Variants in ARHGAP26 observed in about 807,000 individuals in gnomAD.
ARHGAP26 encodes Rho GTPase activating protein 26, also known as rho GTPase-activating protein 26.
Under a neutral mutation model 104.8 loss-of-function variants are expected in ARHGAP26, and 38 were observed. That is an observed-to-expected ratio of 0.36 (90% CI 0.28 to 0.48). The LOEUF (loss-of-function observed/expected upper bound fraction) is 0.48, where lower values mean the gene tolerates loss of function less well. ARHGAP26 is among the 20% of genes least tolerant of loss of function. ARHGAP26 has a pLI of 0.99. For missense variants in ARHGAP26, 704 were observed against 947.9 expected (o/e 0.74, Z 3.38); for synonymous variants, 341 against 340.0 (o/e 1.00, Z -0.03).
intron 20 of ARHGAP26, among the ~76,000 whole-genome samples, chr5:143,163,581 G>A (rs923317225): frequency 1.3e-5 from 2 of 152,070 alleles, no homozygotes; most frequent in African/African-American, 2.4e-5. Flanking sequence ...CTCCCAAGTA[G>A]CTGGGATTAC....
Position 142,885,357 on chromosome 5 carries a change from C to T in ARHGAP26, c.444C>T (p.His148=), listed in dbSNP as rs1757557405. 1 of 1,613,666 alleles carries T rather than the reference C, an allele frequency of 6.2e-7. No individual in the cohort carries two copies. Among genetic ancestry groups the T allele is most frequent in the African/African-American group, 1.3e-5 (1 of 74,896 alleles). ...TEKYCGILEK[H]LNLSSKKKES... is the part of the protein sequence containing the mutation. The stretch of plus-strand genomic sequence containing the variant: ...AGTATTGTGGCATCTTAGAAAAACA[C>T]TTGAATTTGTCTTCCAAAAAGAAAG... Residue 148 remains histidine, a synonymous_variant, in exon 5 of 23, where the codon CAC becomes CAT. Transcript: ENST00000645722.
At chr5:142,918,249 C>A (rs1405900623) in intron 10 of ARHGAP26, among the ~76,000 whole-genome samples, 7 of 151,980 alleles carry the variant, frequency 4.6e-5, no homozygotes, top group Non-Finnish European at 7.4e-5. Flanking sequence ...CGGGTTCAAG[C>A]GATTCTCCTA....
intron 11 of ARHGAP26, chr5:142,946,531 G>A (rs1767134269): frequency 1.3e-5 from 2 of 152,122 alleles, no homozygotes; most frequent in Admixed American, 6.6e-5. Context: ...GATGGAGCTG[G>A]CTTTTCTGTC....
At chr5:143,198,958 C>G (rs959638464) in intron 20 of ARHGAP26, among the ~76,000 whole-genome samples, 1 of 152,042 alleles carries the variant, frequency 6.6e-6, no homozygotes, top group Non-Finnish European at 1.5e-5. Context: ...TTTTTTAAAG[C>G]TAGAAAACAG....
intron 1 of ARHGAP26, among the ~76,000 whole-genome samples, chr5:142,806,612 T>C (rs1425255285): frequency 6.6e-6 from 1 of 152,212 alleles, no homozygotes; most frequent in Admixed American, 6.5e-5. Flanking sequence ...CCTTCTTCCG[T>C]ATTTTCTTAC....
chr5:143,002,931 A>G (rs1429500719), intron 11 of ARHGAP26, among the ~76,000 whole-genome samples: 3 of 152,210 alleles, frequency 2.0e-5, no homozygotes, highest in Non-Finnish European at 4.4e-5. Context: ...AGAAGCTTGA[A>G]GAAATTTGGC....
chr5:142,901,652 C>T (rs1760359126), intron 6 of ARHGAP26, among the ~76,000 whole-genome samples: 3 of 152,186 alleles, frequency 2.0e-5, no homozygotes. Flanking sequence ...GTTCTGGCTG[C>T]CACTTACTGT....
chr5:143,121,205 A>G (rs1388563795), intron 18 of ARHGAP26, 58 bp downstream of exon 18: 2 of 1,557,856 alleles, frequency 1.3e-6, no homozygotes, highest in Admixed American at 3.5e-5. Context: ...GCTGCATTGG[A>G]ATTGACCTTC....
chr5:142,930,229 G>T (rs560629008), intron 10 of ARHGAP26, among the ~76,000 whole-genome samples: 1 of 152,250 alleles, frequency 6.6e-6, no homozygotes, highest in African/African-American at 2.4e-5. Context: ...CGTCATACTT[G>T]GTCTTTAGAG....
At position 143,012,544 on chromosome 5, in the gene ARHGAP26, C is replaced by CATATATATATATATATAT. The variant is rs1562259165; in HGVS notation, c.1108-1533_1108-1532insTATATATATATATATATA. ...GTCACTGGAGGGATATATTTATATA[C>CATATATATATATATATAT]ATACATACATATATATATATATATA... is the stretch of plus-strand genomic sequence containing the variant. On this transcript the variant is annotated intron_variant, in intron 11 of 22. Transcript: ENST00000645722. Among the ~76,000 whole-genome samples, 111 of 43,068 alleles carry CATATATATATATATATAT rather than the reference C, an allele frequency of 2.6e-3. 8 individuals carry two copies. The highest frequency in any genetic ancestry group is 6.6e-3 in the African/African-American group (105 of 15,830). 28.3% of individuals were successfully genotyped at this position (43,068 alleles called of 152,430 possible).
intron 4 of ARHGAP26, among the ~76,000 whole-genome samples, chr5:142,881,517 C>T (rs919552537): frequency 6.6e-6 from 1 of 152,122 alleles, no homozygotes; most frequent in Non-Finnish European, 1.5e-5. Context: ...ATATTCTATT[C>T]TCCTATTCAT....
chr5:143,141,799 C>T (rs1419257143), intron 19 of ARHGAP26, among the ~76,000 whole-genome samples: 4 of 152,144 alleles, frequency 2.6e-5, no homozygotes, highest in Admixed American at 1.3e-4. Flanking sequence ...TCATTCAACC[C>T]CCTAGTCAAC....
At chr5:142,812,114 C>CT (rs1234272833) in intron 1 of ARHGAP26, among the ~76,000 whole-genome samples, 2 of 152,074 alleles carry the variant, frequency 1.3e-5, no homozygotes, top group African/African-American at 4.8e-5. Flanking sequence ...CTGCCTTTTC[C>CT]CCCCAGTGCT....
intron 6 of ARHGAP26, among the ~76,000 whole-genome samples, chr5:142,900,256 C>T (rs1760107152): frequency 6.6e-6 from 1 of 152,170 alleles, no homozygotes; most frequent in Non-Finnish European, 1.5e-5. Context: ...AGCCCAAAGC[C>T]TTCGGCCGTC....
At position 142,895,849 on chromosome 5, in the gene ARHGAP26, A is replaced by G. The variant is rs73799027; in HGVS notation, c.597+1501A>G. 1.9e-3 allele frequency among the ~76,000 whole-genome samples: 282 copies of G among 152,286 alleles called. 2 individuals carry two copies. Among genetic ancestry groups the G allele is most frequent in the African/African-American group, 6.2e-3 (259 of 41,562 alleles). On this transcript the variant is annotated intron_variant, in intron 6 of 22. Transcript: ENST00000645722. The stretch of plus-strand genomic sequence containing the variant: ...CTCTTAAAAACAAAAAAAGATTACA[A>G]TCGGCTTTGGAACCTTATGTCTACA...
At chr5:142,805,632 A>G (rs754107197) in intron 1 of ARHGAP26, among the ~76,000 whole-genome samples, 2 of 152,188 alleles carry the variant, frequency 1.3e-5, no homozygotes, top group African/African-American at 4.8e-5. Flanking sequence ...ATGAAGGCCC[A>G]AAAGTGTGAC....
chr5:142,795,654 T>C (rs551068192), intron 1 of ARHGAP26, among the ~76,000 whole-genome samples: 10 of 152,356 alleles, frequency 6.6e-5, no homozygotes, highest in Non-Finnish European at 1.3e-4. Flanking sequence ...TTCATTACAT[T>C]ACAATTTATC....
At chr5:142,939,251 C>G (rs1015047531) in intron 11 of ARHGAP26, among the ~76,000 whole-genome samples, 1 of 152,118 alleles carries the variant, frequency 6.6e-6, no homozygotes, top group African/African-American at 2.4e-5. Context: ...AAAATTGCTG[C>G]TGAATTGTTA....
At chr5:142,867,233 A>G (rs1461420636) in intron 1 of ARHGAP26, among the ~76,000 whole-genome samples, 1 of 151,838 alleles carries the variant, frequency 6.6e-6, no homozygotes, top group Non-Finnish European at 1.5e-5. Context: ...ACCGTGTGTC[A>G]CGGAAACGAG....
Sources: allele counts gnomAD v4.1 joint callset (sites outside exome capture counted in the v4.1 genomes callset), GRCh38; gene constraint gnomAD v4.1.1; transcripts MANE v1.5; gene names NCBI Gene and HGNC (gene_info 2026-07-23, HGNC 2026-07-21).